The following HSPD1 variants were observed in gnomAD, a reference collection of about 807,000 sequenced individuals.
The protein encoded by HSPD1 is 60 kDa heat shock protein, mitochondrial.
HSPD1 carries 3 observed loss-of-function variants against 53.0 expected under a neutral mutation model. That is an observed-to-expected ratio of 0.06 (90% confidence interval 0.03 to 0.15). The LOEUF is 0.15. Among genes scored for constraint, HSPD1 ranks in the 10% least tolerant of loss-of-function variants. The pLI is 1.00. For missense variants in HSPD1, 431 were observed against 694.1 expected (o/e 0.62, Z 4.26); for synonymous variants, 200 against 228.0 (o/e 0.88, Z 1.10).
intron 3 of HSPD1, 50 bp downstream of exon 3, chr2:197,497,090 T>A (rs542672321): frequency 3.8e-6 from 6 of 1,589,248 alleles, no homozygotes; most frequent in Non-Finnish European, 5.2e-6. Flanking sequence ...AATCAATGCC[T>A]TAAAGCACAC....
At chr2:197,490,585 C>CTT (rs764956015) in intron 7 of HSPD1, 2 of 384,500 alleles carry the variant, frequency 5.2e-6, no homozygotes, top group Non-Finnish European at 9.8e-6. Flanking sequence ...AATCCCGGCA[C>CTT]TTTGCAAGGC....
chr2:197,490,505 A>T, intron 7 of HSPD1: 2 of 574,888 alleles, frequency 3.5e-6, no homozygotes, highest in Non-Finnish European at 6.2e-6. Context: ...TCTATTAATT[A>T]TACTTGTCCA....
At chr2:197,488,544 T>C in intron 9 of HSPD1, 53 bp from the exon 10 acceptor site, 1 of 1,506,842 alleles carries the variant, frequency 6.6e-7, no homozygotes, top group Non-Finnish European at 9.2e-7. Context: ...AAGATGCTAA[T>C]TGCCAAGTCA....
chr2:197,500,241 G>C, upstream of HSPD1: 1 of 675,148 alleles, frequency 1.5e-6, no homozygotes, highest in Middle Eastern at 4.1e-4. Context: ...TCCTGCGCAG[G>C]GCCCTTGGGG....
At chr2:197,489,989 A>G (rs1455303144) in intron 8 of HSPD1, among the ~76,000 whole-genome samples, 1 of 152,210 alleles carries the variant, frequency 6.6e-6, no homozygotes, top group Non-Finnish European at 1.5e-5. Flanking sequence ...TATTCAGTCA[A>G]TAAGATTTAG....
intron 3 of HSPD1, among the ~76,000 whole-genome samples, chr2:197,496,620 C>T (rs2086160934): frequency 6.6e-6 from 1 of 152,158 alleles, no homozygotes; most frequent in Non-Finnish European, 1.5e-5. Flanking sequence ...TGAGGAGGAG[C>T]AAATTGTTAA....
At chr2:197,497,572 A>G in intron 2 of HSPD1, 180 bp from the exon 3 acceptor site, 1 of 637,716 alleles carries the variant, frequency 1.6e-6, no homozygotes, top group Non-Finnish European at 2.8e-6. Context: ...GTCTACAGAC[A>G]AAATGACCTG....
chr2:197,499,926 GC>G (rs1417614459), upstream of HSPD1: 3 of 155,020 alleles, frequency 1.9e-5, no homozygotes, highest in African/African-American at 7.2e-5. Context: ...TGTGCAGGCA[GC>G]TCCCACCCAC....
At chr2:197,499,397 C>A (rs1177263437) in intron 1 of HSPD1, 1 of 163,238 alleles carries the variant, frequency 6.1e-6, no homozygotes, top group Non-Finnish European at 1.3e-5. Context: ...TTTCCGAACG[C>A]CCCCAGCAAG....
intron 7 of HSPD1, among the ~76,000 whole-genome samples, chr2:197,493,115 T>C (rs1223023550): frequency 1.3e-5 from 2 of 152,070 alleles, no homozygotes; most frequent in African/African-American, 4.8e-5. Flanking sequence ...ATGAGAAAGC[T>C]GATCAAAATA....
chr2:197,498,748 G>A lies in HSPD1; in HGVS notation c.101C>T (p.Ala34Val), dbSNP rs1395418325. The A allele has an allele frequency of 9.3e-6, 15 of 1,614,048 alleles. No homozygotes were observed. The highest frequency in any genetic ancestry group is 1.3e-5 in the Non-Finnish European group (15 of 1,180,046). ...RAYAKDVKFG[A>V]DARALMLQGV... ...TTGAAGCATTAAGGCTCGGGCATCT[G>A]CACCAAATTTTACATCTTTGGCATA... Residue 34 changes from alanine (A) to valine (V), a missense_variant, in exon 2 of 12, where the codon GCA (alanine) becomes GTA (valine). Around this residue, in one of 2 missense-constraint regions of HSPD1, gnomAD observed 386 missense variants for 657.6 expected, o/e 0.59. Transcript: ENST00000388968.
At chr2:197,493,079 A>T (rs1469903312) in intron 7 of HSPD1, among the ~76,000 whole-genome samples, 1 of 152,150 alleles carries the variant, frequency 6.6e-6, no homozygotes, top group African/African-American at 2.4e-5. Context: ...ACAGAAAGGT[A>T]CCCATGTGCT....
chr2:197,488,907 C>G (rs1315225328), intron 9 of HSPD1, 95 bp downstream of exon 9: 11 of 1,273,604 alleles, frequency 8.6e-6, no homozygotes, highest in African/African-American at 1.5e-5. Context: ...CTCAAGTATT[C>G]GTTTAGTTCT....
At chr2:197,499,108 T>C (rs372044432) in intron 1 of HSPD1, 11 of 549,936 alleles carry the variant, frequency 2.0e-5, no homozygotes, top group African/African-American at 1.9e-4. Flanking sequence ...CACGGCCACC[T>C]ATCCCTGCCG....
chr2:197,494,916 T>C, intron 4 of HSPD1, 164 bp from the exon 5 acceptor site: 1 of 652,840 alleles, frequency 1.5e-6, no homozygotes, highest in Non-Finnish European at 2.8e-6. Flanking sequence ...CTTTGCTCTT[T>C]TCCGATTCAT....
Position 197,488,332 on chromosome 2 carries a change from C to G in HSPD1, c.1375G>C (p.Glu459Gln). The change falls in exon 10 of 12, where the codon GAA becomes CAA. Residue 459 changes from glutamate (E) to glutamine (Q), a missense_variant. Glu to Gln is a conservative substitution (Grantham distance 29). This residue lies in a region of HSPD1 where 386 missense variants were observed against 657.6 expected (regional missense o/e 0.59). Coordinates refer to ENST00000388968, the MANE Select transcript of HSPD1 (RefSeq NM_002156.5). ...AACTTTTTACCAATTTTTTGATCTT[C>G]ATTAGCTGGAGTCAATGAGTCCAAG... ...PALDSLTPANEDQKIGIEIIK... is the reference protein window; with the variant it reads ...PALDSLTPANQDQKIGIEIIK... 1 of 1,613,932 alleles carries G rather than the reference C, an allele frequency of 6.2e-7. No homozygotes were observed. Among genetic ancestry groups the G allele is most frequent in the East Asian group, 2.2e-5 (1 of 44,886 alleles).
At chr2:197,493,627 A>G (rs1365750488) in intron 6 of HSPD1, 135 bp from the exon 7 acceptor site, 1 of 693,056 alleles carries the variant, frequency 1.4e-6, no homozygotes, top group Non-Finnish European at 2.6e-6. Flanking sequence ...TCTCATATGC[A>G]TTAACTTTTG....
chr2:197,492,145 T>G (rs920211060), intron 7 of HSPD1, among the ~76,000 whole-genome samples: 20 of 152,210 alleles, frequency 1.3e-4, no homozygotes, highest in African/African-American at 4.8e-4. Flanking sequence ...TGACAGAGTC[T>G]GTCTCTCAAA....
intron 1 of HSPD1, chr2:197,499,163 A>G: frequency 2.2e-6 from 1 of 449,690 alleles, no homozygotes; most frequent in Non-Finnish European, 4.1e-6. Context: ...CCTTGTGGGC[A>G]GACCCACTCC....
Sources: allele counts gnomAD v4.1 joint callset (sites outside exome capture counted in the v4.1 genomes callset), GRCh38; gene constraint gnomAD v4.1.1; regional missense constraint gnomAD v4.1.1; transcripts MANE v1.5; gene names NCBI Gene and HGNC (gene_info 2026-07-23, HGNC 2026-07-21).